The following SPIN1 variants were observed in gnomAD, a reference collection of about 807,000 sequenced individuals.
The protein encoded by SPIN1 is spindlin-1.
Under a neutral mutation model 26.0 loss-of-function variants are expected in SPIN1, and 3 were observed. The ratio of observed to expected loss-of-function variants is 0.12; its 90% CI spans 0.05 to 0.30. The LOEUF is 0.30. SPIN1 is among the 10% of genes least tolerant of loss of function. SPIN1 has a pLI of 1.00. For missense variants in SPIN1, 126 were observed against 333.4 expected (o/e 0.38, Z 4.84); for synonymous variants, 101 against 116.5 (o/e 0.87, Z 0.86).
chr9:88,417,200 T>G (rs549147336), intron 1 of SPIN1, among the ~76,000 whole-genome samples: 68 of 152,368 alleles, frequency 4.5e-4, no homozygotes, highest in Admixed American at 9.1e-4. Context: ...TTTTTTCGTA[T>G]AAATGTCTGT....
In SPIN1 at chr9:88,476,543, G is replaced by T. The variant is rs1421614058; in HGVS notation, c.*1266G>T. Reference sequence around the variant, plus strand: ...TGTTCATGTGGATTCATTCCATTCAGTGGCCCCTTGGGGTTTGCATGCCAG... The same window carrying T: ...TGTTCATGTGGATTCATTCCATTCATTGGCCCCTTGGGGTTTGCATGCCAG... On this transcript the variant is annotated 3_prime_UTR_variant, in exon 6 of 6. Coordinates refer to ENST00000375859, the MANE Select transcript of SPIN1 (RefSeq NM_006717.3). The T allele has an allele frequency of 2.0e-5, 3 of 152,178 alleles. No individual in the cohort carries two copies. Among genetic ancestry groups the T allele is most frequent in the African/African-American group, 7.2e-5 (3 of 41,448 alleles). 9.4% of individuals were successfully genotyped at this position (152,178 alleles called of 1,614,324 possible).
At chr9:88,435,148 G>A (rs1038950215) in intron 2 of SPIN1, among the ~76,000 whole-genome samples, 3 of 151,476 alleles carry the variant, frequency 2.0e-5, no homozygotes, top group African/African-American at 7.3e-5. Flanking sequence ...TTCAATTCAT[G>A]TATGATTTTG....
intron 2 of SPIN1, among the ~76,000 whole-genome samples, chr9:88,437,818 C>A (rs912458231): frequency 2.6e-5 from 4 of 152,056 alleles, no homozygotes; most frequent in Non-Finnish European, 4.4e-5. Flanking sequence ...ATTTAATATT[C>A]TCTTCTTTTT....
At chr9:88,466,774 G>A (rs767068765) in intron 4 of SPIN1, among the ~76,000 whole-genome samples, 1 of 152,162 alleles carries the variant, frequency 6.6e-6, no homozygotes, top group Non-Finnish European at 1.5e-5. Context: ...CCTCACTCCC[G>A]TAGCCCAGGC....
chr9:88,466,431 TAGA>T (rs1828669749), intron 4 of SPIN1, among the ~76,000 whole-genome samples: 1 of 152,106 alleles, frequency 6.6e-6, no homozygotes, highest in African/African-American at 2.4e-5. Context: ...GCTAGGATTA[TAGA>T]TGTGAGTCGC....
chr9:88,467,974 T>C (rs560436931), intron 4 of SPIN1, among the ~76,000 whole-genome samples: 100 of 152,360 alleles, frequency 6.6e-4, no homozygotes, highest in African/African-American at 2.4e-3. Context: ...GGAACTCTAC[T>C]ATTTTTCCAG....
intron 1 of SPIN1, among the ~76,000 whole-genome samples, chr9:88,392,658 A>G (rs1471014090): frequency 2.0e-5 from 3 of 150,734 alleles, no homozygotes; most frequent in Non-Finnish European, 2.9e-5. Context: ...TTTTCTACCT[A>G]TCTACCTAGC....
At chr9:88,403,849 C>A (rs1827239697) in intron 1 of SPIN1, among the ~76,000 whole-genome samples, 1 of 152,076 alleles carries the variant, frequency 6.6e-6, no homozygotes, top group Non-Finnish European at 1.5e-5. Flanking sequence ...TAGGGTATAT[C>A]CTTTTTTACC....
intron 1 of SPIN1, among the ~76,000 whole-genome samples, chr9:88,395,801 C>A (rs144891948): frequency 1.1e-4 from 17 of 152,040 alleles, no homozygotes; most frequent in African/African-American, 3.9e-4. Flanking sequence ...GTAATCCCAG[C>A]ACTTTGGGAG....
intron 2 of SPIN1, among the ~76,000 whole-genome samples, chr9:88,438,150 CAAAAA>C (rs201459647): frequency 8.0e-6 from 1 of 124,618 alleles, no homozygotes; most frequent in Non-Finnish European, 1.7e-5. Context: ...GACCCTGTCT[CAAAAA>C]AAAAAAAAAG....
chr9:88,464,920 A>G (rs899015668), intron 4 of SPIN1, among the ~76,000 whole-genome samples: 3 of 135,992 alleles, frequency 2.2e-5, no homozygotes, highest in African/African-American at 8.2e-5. Flanking sequence ...CTTTCCTCCC[A>G]TTCCCAGCCC....
chr9:88,427,404 T>G (rs1324647518), intron 2 of SPIN1, among the ~76,000 whole-genome samples: 1 of 152,172 alleles, frequency 6.6e-6, no homozygotes, highest in South Asian at 2.1e-4. Context: ...TTCTCTTTTA[T>G]AAAGATAATA....
In SPIN1 at chr9:88,445,729, A is replaced by G. The variant is rs147020219; in HGVS notation, c.53-3212A>G. ...TCCCCCCGTATTTTTGGCAGAGACA[A>G]TGTTTCACCATGTTGGCCAGGCTGG... On this transcript the variant is annotated intron_variant, in intron 2 of 5. Coordinates refer to ENST00000375859, the MANE Select transcript of SPIN1 (RefSeq NM_006717.3). Among the ~76,000 whole-genome samples the G allele has an allele frequency of 5.2e-4, 79 of 151,388 alleles. No individual in the cohort carries two copies. The East Asian group carries it at 0.012, about 23-fold the overall frequency.
At chr9:88,409,030 T>C (rs1245343558) in intron 1 of SPIN1, among the ~76,000 whole-genome samples, 1 of 146,342 alleles carries the variant, frequency 6.8e-6, no homozygotes, top group Non-Finnish European at 1.5e-5. Flanking sequence ...ATTTTTGCTC[T>C]TGTTGCCCAG....
In SPIN1 at chr9:88,467,040, ATTGTTTGT is replaced by A. The variant is rs140242427; in HGVS notation, c.356-1313_356-1306del. Reference sequence around the variant, plus strand: ...GCGTGAGCCACCGTGCTTGTCTCTAATTGTTTGTTTGTTTGTTTGTTTGTTTTTTAAAG... The same window carrying A: ...GCGTGAGCCACCGTGCTTGTCTCTAATTGTTTGTTTGTTTGTTTTTTAAAG... On this transcript the variant is annotated intron_variant, in intron 4 of 5. Coordinates refer to ENST00000375859, the MANE Select transcript of SPIN1 (RefSeq NM_006717.3). Among the ~76,000 whole-genome samples the A allele has an allele frequency of 1.7e-3, 264 of 151,932 alleles. 1 individual carries two copies. The highest frequency in any genetic ancestry group is 5.2e-3 in the African/African-American group (217 of 41,346).
At chr9:88,426,324 C>T (rs533006324) in intron 1 of SPIN1, 58 bp from the exon 2 acceptor site, 1 of 415,794 alleles carries the variant, frequency 2.4e-6, no homozygotes, top group South Asian at 4.3e-5. Context: ...TAATGGCTCA[C>T]TAGGCATAAT....
At chr9:88,421,520 A>G (rs963505253) in intron 1 of SPIN1, among the ~76,000 whole-genome samples, 1 of 152,050 alleles carries the variant, frequency 6.6e-6, no homozygotes, top group Admixed American at 6.5e-5. Flanking sequence ...GGCTCAAGTG[A>G]TCTACTCCTC....
chr9:88,391,196 T>G (rs894640769), intron 1 of SPIN1, among the ~76,000 whole-genome samples: 2 of 152,092 alleles, frequency 1.3e-5, no homozygotes, highest in South Asian at 4.1e-4. Context: ...GCTACATAGA[T>G]CTCTGATAAA....
At chr9:88,389,450 C>T (rs551382095) in intron 1 of SPIN1, 12 of 152,300 alleles carry the variant, frequency 7.9e-5, no homozygotes, top group African/African-American at 2.9e-4. Context: ...TCATCGTATA[C>T]GCATTTCAAA....
Sources: allele counts gnomAD v4.1 joint callset (sites outside exome capture counted in the v4.1 genomes callset), GRCh38; gene constraint gnomAD v4.1.1; transcripts MANE v1.5; gene names NCBI Gene and HGNC (gene_info 2026-07-23, HGNC 2026-07-21).